The following FTO variants were observed in gnomAD, a reference collection of about 807,000 sequenced individuals.
FTO encodes the protein alpha-ketoglutarate-dependent dioxygenase FTO.
A neutral mutation model predicts 63.9 loss-of-function variants in FTO; 47 were observed. The observed-to-expected ratio is 0.74, with a 90% confidence interval of 0.58 to 0.94. The LOEUF is 0.94. Among genes scored for constraint, FTO ranks in the 40% least tolerant of loss-of-function variants. The pLI is 0.00. For missense variants in FTO, 562 were observed against 618.1 expected (o/e 0.91, Z 0.96); for synonymous variants, 207 against 224.4 (o/e 0.92, Z 0.69).
intron 6 of FTO, among the ~76,000 whole-genome samples, chr16:53,883,988 C>A (rs575043731): frequency 7.2e-5 from 11 of 152,200 alleles, no homozygotes; most frequent in Non-Finnish European, 1.6e-4. Context: ...AGAGTTCTCC[C>A]AGTTTCTTTC....
intron 1 of FTO, among the ~76,000 whole-genome samples, chr16:53,707,294 A>C (rs1404585141): frequency 6.6e-6 from 1 of 152,028 alleles, no homozygotes; most frequent in East Asian, 1.9e-4. Context: ...CTCTGCTTCC[A>C]TCTTCACATG....
At chr16:53,886,756 A>G (rs1395549840) in intron 6 of FTO, among the ~76,000 whole-genome samples, 5 of 152,192 alleles carry the variant, frequency 3.3e-5, no homozygotes, top group Non-Finnish European at 7.3e-5. Context: ...AGCCATTTCC[A>G]CCATCGTTAA....
At chr16:53,940,022 G>T (rs2082490626) in intron 8 of FTO, among the ~76,000 whole-genome samples, 1 of 152,046 alleles carries the variant, frequency 6.6e-6, no homozygotes, top group South Asian at 2.1e-4. Context: ...GAATGGAATT[G>T]CTGGGTCATA....
At chr16:53,928,809 A>G (rs1663021400) in intron 7 of FTO, among the ~76,000 whole-genome samples, 1 of 152,078 alleles carries the variant, frequency 6.6e-6, no homozygotes, top group Admixed American at 6.6e-5. Flanking sequence ...TTATTTTGGT[A>G]TACAACCCTA....
At chr16:53,942,244 A>G (rs1050343637) in intron 8 of FTO, among the ~76,000 whole-genome samples, 2 of 152,196 alleles carry the variant, frequency 1.3e-5, no homozygotes, top group Admixed American at 1.3e-4. Flanking sequence ...AATCTCTACT[A>G]TGCAGTTCTC....
chr16:53,834,170 G>A (rs899983636), intron 3 of FTO, among the ~76,000 whole-genome samples: 18 of 151,912 alleles, frequency 1.2e-4, no homozygotes, highest in Admixed American at 1.0e-3. Context: ...GACTACAGGC[G>A]CCCACCACCA....
At chr16:53,938,549 C>G (rs1483813663) in intron 8 of FTO, among the ~76,000 whole-genome samples, 1 of 152,132 alleles carries the variant, frequency 6.6e-6, no homozygotes, top group Non-Finnish European at 1.5e-5. Flanking sequence ...ATTCAGTGAG[C>G]ATCTTTTTGT....
At chr16:53,843,946 G>A (rs1242589806) in intron 3 of FTO, among the ~76,000 whole-genome samples, 1 of 151,520 alleles carries the variant, frequency 6.6e-6, no homozygotes. Context: ...CTCTACACCT[G>A]GCCTATTTAA....
chr16:53,785,633 T>C (rs1413561092), intron 1 of FTO, among the ~76,000 whole-genome samples: 1 of 152,062 alleles, frequency 6.6e-6, no homozygotes, highest in African/African-American at 2.4e-5. Flanking sequence ...GAAAGATAGC[T>C]GGGCGCGGTG....
At chr16:53,873,708 T>C in intron 4 of FTO, 78 bp from the exon 5 acceptor site, 1 of 1,077,290 alleles carries the variant, frequency 9.3e-7, no homozygotes, top group South Asian at 1.3e-5. Flanking sequence ...CTGTTTACTT[T>C]GTGTTTTAGT....
At chr16:53,760,914 AC>A (rs1374986857) in intron 1 of FTO, among the ~76,000 whole-genome samples, 1 of 152,126 alleles carries the variant, frequency 6.6e-6, no homozygotes, top group Non-Finnish European at 1.5e-5. Flanking sequence ...GGCGTGAGCC[AC>A]TGCGCCTCAT....
intron 6 of FTO, among the ~76,000 whole-genome samples, chr16:53,885,898 C>A (rs142318427): frequency 1.3e-5 from 2 of 152,168 alleles, no homozygotes; most frequent in Non-Finnish European, 2.9e-5. Flanking sequence ...CAGGCGCGTG[C>A]CACCACAACC....
intron 1 of FTO, among the ~76,000 whole-genome samples, chr16:53,759,693 CAAAAAAAAAAAAAAAAAAAA>C (rs758376530): frequency 1.1e-4 from 3 of 28,516 alleles, no homozygotes; most frequent in Non-Finnish European, 2.0e-4. Flanking sequence ...GACTCCTTCT[CAAAAAAAAAAAAAAAAAAAA>C]AAAGAAAAAA....
chr16:53,798,500 ATC>A (rs1340579855), intron 1 of FTO, among the ~76,000 whole-genome samples: 3 of 152,126 alleles, frequency 2.0e-5, no homozygotes, highest in African/African-American at 7.2e-5. Context: ...TGTCCAGTTT[ATC>A]TCTGAGTACT....
At chr16:53,955,645 AGTGCTGTGTTAG>A (rs1599080824) in intron 8 of FTO, among the ~76,000 whole-genome samples, 1 of 152,244 alleles carries the variant, frequency 6.6e-6, no homozygotes, top group Admixed American at 6.5e-5. Flanking sequence ...CTGTGTGGCC[AGTGCTGTGTTAG>A]GTGCTGTGGA....
chr16:53,918,273 A>G (rs1305711663), intron 7 of FTO, among the ~76,000 whole-genome samples: 1 of 152,244 alleles, frequency 6.6e-6, no homozygotes, highest in Non-Finnish European at 1.5e-5. Flanking sequence ...CCTAGAAGGT[A>G]GAGCCTACTA....
intron 3 of FTO, among the ~76,000 whole-genome samples, chr16:53,835,016 C>A (rs1386187673): frequency 6.6e-6 from 1 of 151,998 alleles, no homozygotes; most frequent in African/African-American, 2.4e-5. Flanking sequence ...ATCTGTTATC[C>A]TTTTCTTTTC....
At chr16:54,063,614 T>C (rs1186604715) in intron 8 of FTO, 1 of 151,500 alleles carries the variant, frequency 6.6e-6, no homozygotes, top group African/African-American at 2.4e-5. Context: ...GCGATAAGAG[T>C]CAAACCTCAT....
chr16:54,109,626 C>A (rs2086831585), intron 8 of FTO, among the ~76,000 whole-genome samples: 1 of 152,208 alleles, frequency 6.6e-6, no homozygotes, highest in South Asian at 2.1e-4. Flanking sequence ...AGCCACCACG[C>A]CTGGCCCCAG....
Sources: gnomAD v4.1 joint callset for allele counts (sites outside exome capture counted in the v4.1 genomes callset) on GRCh38, gnomAD v4.1.1 for gene constraint, MANE v1.5 for transcripts, NCBI Gene and HGNC (gene_info 2026-07-23, HGNC 2026-07-21) for gene names.